The following UHRF2 variants were observed in gnomAD, a reference collection of about 807,000 sequenced individuals.
The protein encoded by UHRF2 is ubiquitin like with PHD and ring finger domains 2, also known as E3 ubiquitin-protein ligase UHRF2.
UHRF2 carries 23 observed loss-of-function variants against 96.8 expected under a neutral mutation model. The observed-to-expected ratio is 0.24, with a 90% CI of 0.17 to 0.34. UHRF2 has a LOEUF of 0.34. Among genes scored for constraint, UHRF2 ranks in the 10% least tolerant of loss-of-function variants. The pLI is 1.00. For missense variants in UHRF2, 685 were observed against 981.5 expected (o/e 0.70, Z 4.04); for synonymous variants, 385 against 332.6 (o/e 1.16, Z -1.72).
intron 3 of UHRF2, among the ~76,000 whole-genome samples, chr9:6,435,473 T>C (rs1329991162): frequency 6.6e-6 from 1 of 152,174 alleles, no homozygotes; most frequent in Non-Finnish European, 1.5e-5. Context: ...CACATACAGT[T>C]TACCTGTTTA....
chr9:6,433,329 T>A (rs1820659566), intron 2 of UHRF2, among the ~76,000 whole-genome samples: 1 of 152,228 alleles, frequency 6.6e-6, no homozygotes, highest in Non-Finnish European at 1.5e-5. Context: ...ATATTTTATC[T>A]TTGTTCTTTG....
Position 6,500,692 on chromosome 9 carries a change from C to A in UHRF2, c.2146C>A (p.His716Asn). 6.2e-7 allele frequency: 1 copy of A among 1,612,520 alleles called. No individual in the cohort carries two copies. Among genetic ancestry groups the A allele is most frequent in the Admixed American group, 1.7e-5 (1 of 59,670 alleles). Residue 716 changes from histidine to asparagine, a missense_variant, in exon 14 of 16, where the codon CAT becomes AAT. Coordinates refer to ENST00000276893, the MANE Select transcript of UHRF2 (RefSeq NM_152896.3). ...NQKLWDEVLS[H>N]LVEGPNFLKK... ...GAAGCTGTGGGATGAAGTGCTTTCA[C>A]ATCTTGTGGAAGGACCAGTATGTGA...
rs542582027 is a variant in UHRF2, at chr9:6,492,011, G to T, written c.1498-1815G>T. ...GCCTCCCACAGTGCTGGGATTACAG[G>T]CATGAATCATTGCGCCTGGCCTTTC... On this transcript the variant is annotated intron_variant, in intron 9 of 15. Coordinates refer to ENST00000276893, the MANE Select transcript of UHRF2 (RefSeq NM_152896.3). 3.9e-5 allele frequency among the ~76,000 whole-genome samples: 6 copies of T among 152,320 alleles called. No individual in the cohort carries two copies. The South Asian group carries it at 1.2e-3, about 32-fold the overall frequency.
chr9:6,431,680 A>G (rs532896218), intron 2 of UHRF2, among the ~76,000 whole-genome samples: 1 of 152,338 alleles, frequency 6.6e-6, no homozygotes, highest in Non-Finnish European at 1.5e-5. Context: ...TTGATGTTCA[A>G]GCAATGGCAG....
At chr9:6,418,215 G>T (rs576894927) in intron 1 of UHRF2, among the ~76,000 whole-genome samples, 1 of 148,878 alleles carries the variant, frequency 6.7e-6, no homozygotes, top group African/African-American at 2.5e-5. Context: ...TGAGTTTTTT[G>T]GGGTTTTTTT....
intron 4 of UHRF2, chr9:6,468,539 A>C (rs1027002492): frequency 3.7e-5 from 17 of 455,988 alleles, no homozygotes; most frequent in Admixed American, 2.3e-4. Flanking sequence ...GGAATCTGCT[A>C]ATTCTGGATG....
At chr9:6,485,828 A>T (rs948405080) in intron 8 of UHRF2, among the ~76,000 whole-genome samples, 4 of 146,328 alleles carry the variant, frequency 2.7e-5, no homozygotes, top group Admixed American at 7.0e-5. Flanking sequence ...AAAAAAAAAA[A>T]CAAAACCCAA....
chr9:6,504,059 T>A (rs1348312337), intron 14 of UHRF2, among the ~76,000 whole-genome samples: 1 of 136,750 alleles, frequency 7.3e-6, no homozygotes, highest in Non-Finnish European at 1.5e-5. Context: ...CGAGTCTCGC[T>A]CTGTCACCCA....
At chr9:6,498,213 C>T (rs1298240536) in intron 12 of UHRF2, 55 bp downstream of exon 12, 6 of 1,570,354 alleles carry the variant, frequency 3.8e-6, no homozygotes, top group Admixed American at 1.8e-5. Flanking sequence ...TACACCTCTT[C>T]TATCTACATG....
chr9:6,460,638 T>G lies in UHRF2; in HGVS notation c.710T>G (p.Leu237Trp). The change falls in exon 4 of 16, where the codon TTG becomes TGG. Residue 237 changes from leucine to tryptophan, a missense_variant. By Grantham distance (61) the Leu-to-Trp change is moderately conservative. This residue lies in a region of UHRF2 where 391 missense variants were observed against 437.0 expected (regional missense o/e 0.89). Coordinates refer to ENST00000276893, the MANE Select transcript of UHRF2 (RefSeq NM_152896.3). ...KDLRPRARTI[L>W]KWNELNVGDV... ...CTTAGACCACGAGCTAGAACCATTT[T>G]GAAATGGAATGAACTAAATGTTGGT... 6.2e-7 allele frequency: 1 copy of G among 1,613,304 alleles called. No individual in the cohort carries two copies. Among genetic ancestry groups the G allele is most frequent in the Non-Finnish European group, 8.5e-7 (1 of 1,179,840 alleles).
chr9:6,465,894 C>G (rs1440032132), intron 4 of UHRF2, among the ~76,000 whole-genome samples: 4 of 152,064 alleles, frequency 2.6e-5, no homozygotes, highest in Non-Finnish European at 5.9e-5. Flanking sequence ...TTCTAGTTAT[C>G]AAATTCTATT....
rs1819389218 is a variant in UHRF2, at chr9:6,413,227, A to G, written c.-264A>G. The G allele has an allele frequency of 1.7e-5, 3 of 171,950 alleles. No homozygotes were observed. The highest frequency in any genetic ancestry group is 2.5e-5 in the Non-Finnish European group (2 of 81,194). 10.7% of individuals were successfully genotyped at this position (171,950 alleles called of 1,614,324 possible). On this transcript the variant is annotated 5_prime_UTR_variant, in exon 1 of 16. The change abolishes an upstream ATG in the 5' untranslated region. Coordinates refer to ENST00000276893, the MANE Select transcript of UHRF2 (RefSeq NM_152896.3). ...AGTAAACACTCTGCGCGGCGCAGAC[A>G]TGGCCTCTTCCTATCTTTGAGGCGG...
At chr9:6,440,514 G>C (rs1821098660) in intron 3 of UHRF2, among the ~76,000 whole-genome samples, 1 of 152,172 alleles carries the variant, frequency 6.6e-6, no homozygotes, top group Non-Finnish European at 1.5e-5. Flanking sequence ...CTATGTTGCT[G>C]TCAGAGGTCA....
intron 12 of UHRF2, 25 bp from the exon 13 acceptor site, chr9:6,499,810 A>G: frequency 6.9e-7 from 1 of 1,446,496 alleles, no homozygotes; most frequent in Non-Finnish European, 9.4e-7. Context: ...TCTGCATTGT[A>G]CTCTCCCTCC....
At chr9:6,462,593 A>G (rs1822611952) in intron 4 of UHRF2, among the ~76,000 whole-genome samples, 1 of 152,212 alleles carries the variant, frequency 6.6e-6, no homozygotes, top group Non-Finnish European at 1.5e-5. Flanking sequence ...AACAGCACAC[A>G]TAGCATTGAG....
chr9:6,417,022 C>G (rs1471013373), intron 1 of UHRF2, among the ~76,000 whole-genome samples: 1 of 151,990 alleles, frequency 6.6e-6, no homozygotes, highest in East Asian at 1.9e-4. Context: ...AAAGGAATAT[C>G]TATGTATATA....
chr9:6,440,393 C>G (rs1480676554), intron 3 of UHRF2, among the ~76,000 whole-genome samples: 4 of 152,004 alleles, frequency 2.6e-5, no homozygotes, highest in African/African-American at 7.3e-5. Flanking sequence ...TATAATTAGC[C>G]AAGGGTCACA....
chr9:6,504,421 A>G (rs1258242541), intron 14 of UHRF2, 172 bp from the exon 15 acceptor site: 4 of 498,272 alleles, frequency 8.0e-6, no homozygotes, highest in Non-Finnish European at 1.4e-5. Context: ...ATATGTTCAT[A>G]TAACATATAA....
At chr9:6,446,171 TTA>T (rs1491310421) in intron 3 of UHRF2, among the ~76,000 whole-genome samples, 2 of 151,270 alleles carry the variant, frequency 1.3e-5, no homozygotes, top group Non-Finnish European at 2.9e-5. Flanking sequence ...TTTTTTTTTT[TTA>T]TACAGTCTTG....
Sources: gnomAD v4.1 joint callset for allele counts (sites outside exome capture counted in the v4.1 genomes callset) on GRCh38, gnomAD v4.1.1 for gene constraint, gnomAD v4.1.1 regional missense constraint, MANE v1.5 for transcripts, NCBI Gene and HGNC (gene_info 2026-07-23, HGNC 2026-07-21) for gene names.